SHC3: variants seen among roughly 807,000 people sequenced by gnomAD.
The protein encoded by SHC3 is SHC-transforming protein 3.
Under a neutral mutation model 60.4 loss-of-function variants are expected in SHC3, and 15 were observed. The ratio of observed to expected loss-of-function variants is 0.25; its 90% CI spans 0.17 to 0.38. The LOEUF is 0.38. SHC3 is among the 10% of genes least tolerant of loss of function. The pLI, the probability that SHC3 is intolerant of heterozygous loss-of-function variation, is 1.00. For missense variants in SHC3, 677 were observed against 786.1 expected (o/e 0.86, Z 1.66); for synonymous variants, 294 against 325.9 (o/e 0.90, Z 1.05).
intron 2 of SHC3, among the ~76,000 whole-genome samples, chr9:89,087,482 G>C (rs1025361645): frequency 6.6e-6 from 1 of 152,176 alleles, no homozygotes; most frequent in African/African-American, 2.4e-5. Context: ...GGTGCCTGCA[G>C]GGGGACGAGG....
chr9:89,056,864 C>A (rs900441485), intron 6 of SHC3, among the ~76,000 whole-genome samples: 18 of 152,270 alleles, frequency 1.2e-4, no homozygotes, highest in Admixed American at 1.0e-3. Context: ...AACAGCGAGA[C>A]CCTGCCCAAG....
intron 1 of SHC3, among the ~76,000 whole-genome samples, chr9:89,124,096 T>C (rs1826129385): frequency 6.6e-6 from 1 of 151,732 alleles, no homozygotes. Context: ...AAAAAGCTCA[T>C]CATCACTGGT....
intron 1 of SHC3, among the ~76,000 whole-genome samples, chr9:89,114,316 C>T (rs556348255): frequency 6.6e-6 from 1 of 152,242 alleles, no homozygotes; most frequent in African/African-American, 2.4e-5. Flanking sequence ...GTTATGTTAA[C>T]ACTACCACCA....
chr9:89,152,537 G>A (rs1257185782), intron 1 of SHC3, among the ~76,000 whole-genome samples: 1 of 152,180 alleles, frequency 6.6e-6, no homozygotes, highest in African/African-American at 2.4e-5. Context: ...TGTTCTAGAT[G>A]CCTGTGTGCA....
rs374496198 is a variant in SHC3 at position 89,006,009 on chromosome 9, A to G, written c.*7438T>C. 8 of 152,360 alleles carry G rather than the reference A, an allele frequency of 5.3e-5. No individual in the cohort carries two copies. Among genetic ancestry groups the G allele is most frequent in the African/African-American group, 1.9e-4 (8 of 41,586 alleles). The allele number at this position is 152,360 out of a possible 1,614,324, so 9.4% of individuals were successfully genotyped here. A position where few individuals can be genotyped will look rare whatever the true frequency, so the allele number is the denominator to read the frequency against. The stretch of plus-strand genomic sequence containing the variant: ...ACTGCAACACCCAAATGTTTTTAGT[A>G]TCTAAGTCAGATATCCAAAAGTTAG... On this transcript the variant is annotated 3_prime_UTR_variant, in exon 12 of 12. Coordinates refer to ENST00000375835, the MANE Select transcript of SHC3 (RefSeq NM_016848.6).
chr9:89,066,630 ACT>A (rs1303628524), intron 5 of SHC3, among the ~76,000 whole-genome samples: 8 of 152,154 alleles, frequency 5.3e-5, no homozygotes, highest in Admixed American at 4.6e-4. Flanking sequence ...GGCATTCAAG[ACT>A]CTGTGGGGCA....
Position 89,038,259 on chromosome 9 carries a change from G to T in SHC3, c.1390C>A (p.Pro464Thr). Residue 464 changes from proline to threonine, a missense_variant, in exon 11 of 12, where the codon CCC (proline) becomes ACC (threonine). Pro to Thr is a conservative substitution (Grantham distance 38, BLOSUM62 -1). Coordinates refer to ENST00000375835, the MANE Select transcript of SHC3 (RefSeq NM_016848.6). ...GCCTTGCTTAACACGGGCCCCAAGG[G>T]CTGGTTCTTGAGAGCATCTTCAAAA... ...KPFEDALKNQPLGPVLSKAAS... is the reference protein window; with the variant it reads ...KPFEDALKNQTLGPVLSKAAS... The T allele has an allele frequency of 1.2e-6, 2 of 1,613,526 alleles. No homozygotes were observed. Among genetic ancestry groups the T allele is most frequent in the Non-Finnish European group, 1.7e-6 (2 of 1,179,872 alleles).
Position 89,023,106 on chromosome 9 carries a change from C to A in SHC3, c.1657-9531G>T, listed in dbSNP as rs115048104. On this transcript the variant is annotated intron_variant, in intron 11 of 11. Coordinates refer to ENST00000375835, the MANE Select transcript of SHC3 (RefSeq NM_016848.6). ...TGGAAGGGAGGGCAGGCGCAGGCTT[C>A]CTCTATGAGAAGCGAACACTCAGGG... Among the ~76,000 whole-genome samples, 1,439 of 152,298 alleles carry A rather than the reference C, an allele frequency of 9.4e-3. 22 individuals carry two copies. The highest frequency in any genetic ancestry group is 0.032 in the African/African-American group (1,351 of 41,570).
At chr9:89,157,624 A>AT (rs549435869) in intron 1 of SHC3, among the ~76,000 whole-genome samples, 19 of 150,590 alleles carry the variant, frequency 1.3e-4, no homozygotes, top group East Asian at 3.9e-4. Context: ...AAGTTTAACA[A>AT]TTTTTTTTTT....
intron 10 of SHC3, among the ~76,000 whole-genome samples, chr9:89,040,179 A>ACT (rs1436660595): frequency 7.0e-6 from 1 of 142,576 alleles, no homozygotes; most frequent in Non-Finnish European, 1.6e-5. Flanking sequence ...CATCACTATC[A>ACT]ACACCACCAC....
At chr9:89,163,170 G>A (rs1311108535) in intron 1 of SHC3, among the ~76,000 whole-genome samples, 1 of 151,178 alleles carries the variant, frequency 6.6e-6, no homozygotes, top group African/African-American at 2.4e-5. Flanking sequence ...TTCAACCATT[G>A]TGGAAGTCAG....
chr9:89,028,759 A>C (rs9410300), intron 11 of SHC3, among the ~76,000 whole-genome samples: 59,472 of 144,168 alleles, frequency 0.41, 13,705 homozygotes, highest in East Asian at 0.98. Flanking sequence ...TATTCTCTCT[A>C]TATATATATT....
chr9:89,117,050 T>C (rs1048294653), intron 1 of SHC3, among the ~76,000 whole-genome samples: 2 of 152,216 alleles, frequency 1.3e-5, no homozygotes, highest in African/African-American at 4.8e-5. Context: ...AATATCACAA[T>C]GTACATTGAA....
intron 11 of SHC3, among the ~76,000 whole-genome samples, chr9:89,025,430 AAACC>A (rs1826277781): frequency 1.3e-5 from 2 of 152,192 alleles, no homozygotes; most frequent in Admixed American, 1.3e-4. Context: ...GGTCCATCCC[AAACC>A]TGAAGGCTGA....
chr9:89,160,939 C>A (rs184326890), intron 1 of SHC3, among the ~76,000 whole-genome samples: 1 of 152,286 alleles, frequency 6.6e-6, no homozygotes, highest in Admixed American at 6.5e-5. Context: ...TTCTTAATCC[C>A]CAGCAGTATA....
At chr9:89,164,766 C>G (rs1207740671) in intron 1 of SHC3, among the ~76,000 whole-genome samples, 1 of 151,874 alleles carries the variant, frequency 6.6e-6, no homozygotes, top group Non-Finnish European at 1.5e-5. Context: ...AAGCTAGGAT[C>G]ATAGGAAAAT....
At chr9:89,139,975 C>G (rs1351949767) in intron 1 of SHC3, among the ~76,000 whole-genome samples, 1 of 152,152 alleles carries the variant, frequency 6.6e-6, no homozygotes, top group Non-Finnish European at 1.5e-5. Context: ...AATATCTGAC[C>G]TGAGTAATTT....
At chr9:89,022,328 C>G (rs539118711) in intron 11 of SHC3, among the ~76,000 whole-genome samples, 1 of 152,246 alleles carries the variant, frequency 6.6e-6, no homozygotes, top group East Asian at 1.9e-4. Context: ...AAGCTCAGAC[C>G]TCCCACTTCC....
At chr9:89,097,738 G>A (rs1825725688) in intron 2 of SHC3, among the ~76,000 whole-genome samples, 1 of 152,222 alleles carries the variant, frequency 6.6e-6, no homozygotes, top group Non-Finnish European at 1.5e-5. Context: ...GGCCACCAGA[G>A]GATGCCTCCC....
Sources: gnomAD v4.1 joint callset for allele counts (sites outside exome capture counted in the v4.1 genomes callset) on GRCh38, gnomAD v4.1.1 for gene constraint, MANE v1.5 for transcripts, NCBI Gene and HGNC (gene_info 2026-07-23, HGNC 2026-07-21) for gene names.